The following SLC35F2 variants were observed in gnomAD, a reference collection of about 807,000 sequenced individuals.
The protein encoded by SLC35F2 is queuine/queuosine transporter SLC35F2.
SLC35F2 carries 25 observed loss-of-function variants against 38.1 expected under a neutral mutation model. The ratio of observed to expected loss-of-function variants is 0.66; its 90% CI spans 0.48 to 0.92. The LOEUF is 0.92. Ranked by LOEUF, SLC35F2 falls within the 40% of genes least tolerant of loss-of-function variation. The probability of loss-of-function intolerance (pLI) is 0.00; values close to 1 mark genes in which losing one functional copy is unlikely to be tolerated. For synonymous variants in SLC35F2, 173 were observed against 181.7 expected (o/e 0.95, Z 0.38); for missense variants, 409 against 452.9 (o/e 0.90, Z 0.88).
At chr11:107,808,120 G>C (rs148607464) in intron 3 of SLC35F2, among the ~76,000 whole-genome samples, 1 of 152,142 alleles carries the variant, frequency 6.6e-6, no homozygotes, top group Non-Finnish European at 1.5e-5. Flanking sequence ...AGAAGCATGG[G>C]TTACTGTGAG....
chr11:107,851,283 AG>A (rs1170214318), intron 1 of SLC35F2, among the ~76,000 whole-genome samples: 1 of 150,470 alleles, frequency 6.6e-6, no homozygotes, highest in Non-Finnish European at 1.5e-5. Context: ...AAAGAAAGAA[AG>A]AAACCCTGTC....
intron 1 of SLC35F2, among the ~76,000 whole-genome samples, chr11:107,820,785 G>A (rs1190361747): frequency 7.2e-5 from 11 of 152,146 alleles, no homozygotes; most frequent in South Asian, 4.1e-4. Flanking sequence ...GTGAAATCCC[G>A]TCTCTACTAA....
intron 1 of SLC35F2, among the ~76,000 whole-genome samples, chr11:107,831,364 G>A (rs1347720328): frequency 1.3e-5 from 2 of 152,128 alleles, no homozygotes. Context: ...GGGACTACAG[G>A]CACATGCCAC....
At chr11:107,803,514 T>C (rs1859346939) in intron 6 of SLC35F2, 1 of 984,924 alleles carries the variant, frequency 1.0e-6, no homozygotes, top group Non-Finnish European at 1.2e-6. Flanking sequence ...CAACATCTCA[T>C]GTCAAGAAAA....
chr11:107,853,047 A>G (rs1253689810), intron 1 of SLC35F2, among the ~76,000 whole-genome samples: 1 of 151,902 alleles, frequency 6.6e-6, no homozygotes, highest in Non-Finnish European at 1.5e-5. Flanking sequence ...CTGACCACCT[A>G]TTATCCTTCC....
rs552113861 is a variant in SLC35F2, at chr11:107,849,004, T to A, written c.110+9654A>T. 1.1e-3 allele frequency among the ~76,000 whole-genome samples: 171 copies of A among 152,272 alleles called. 1 individual carries two copies. The highest frequency in any genetic ancestry group is 3.9e-3 in the African/African-American group (162 of 41,558). On this transcript the variant is annotated intron_variant, in intron 1 of 7. Coordinates refer to ENST00000525815, the MANE Select transcript of SLC35F2 (RefSeq NM_017515.5). ...ATATCACATGAGATTTTTGAAAGAGTAAAGCAGCTCTGGATTTTAGAAACA... is the reference window on the plus strand; with the variant it reads ...ATATCACATGAGATTTTTGAAAGAGAAAAGCAGCTCTGGATTTTAGAAACA...
chr11:107,810,412 G>T, intron 3 of SLC35F2: 2 of 984,988 alleles, frequency 2.0e-6, no homozygotes, highest in Middle Eastern at 5.2e-4. Context: ...AGAGATCAAA[G>T]TTCCTGGGAA....
In SLC35F2 at chr11:107,807,577, A is replaced by T. The variant is rs71464781; in HGVS notation, c.415-701T>A. Among the ~76,000 whole-genome samples the T allele has an allele frequency of 8.1e-3, 779 of 96,214 alleles. 6 individuals carry two copies. Among genetic ancestry groups the T allele is most frequent in the Non-Finnish European group, 9.3e-3 (418 of 45,010 alleles). The allele number at this position is 96,214 out of a possible 152,430, so 63.1% of individuals were successfully genotyped here. On this transcript the variant is annotated intron_variant, in intron 3 of 7. Coordinates refer to ENST00000525815, the MANE Select transcript of SLC35F2 (RefSeq NM_017515.5). ...ATATCTTTTCTTTTATTTTATTATTATTATTTTTTTTTTGAGATGGAGTCT... is the reference window on the plus strand; with the variant it reads ...ATATCTTTTCTTTTATTTTATTATTTTTATTTTTTTTTTGAGATGGAGTCT...
chr11:107,824,355 A>C (rs1859722323), intron 1 of SLC35F2, among the ~76,000 whole-genome samples: 1 of 152,230 alleles, frequency 6.6e-6, no homozygotes, highest in South Asian at 2.1e-4. Flanking sequence ...ACAATACTGT[A>C]GACAAGAGGC....
In SLC35F2 at chr11:107,811,696, A is replaced by G; in HGVS notation, c.385T>C (p.Tyr129His). The stretch of plus-strand genomic sequence containing the variant: ...ACACTGGTTAGAGTTGTGTACTGGT[A>G]GGCTCTGACGATCACATAATTAGCT... ...VEANYVIVRA[Y>H]QYTTLTSVQL... is the part of the protein sequence containing the mutation. Residue 129 changes from tyrosine to histidine, a missense_variant, in exon 3 of 8, where the codon TAC becomes CAC. Tyr to His is a moderately conservative substitution (Grantham distance 83). Transcript: ENST00000525815. 6.2e-7 allele frequency: 1 copy of G among 1,614,016 alleles called. No individual in the cohort carries two copies. The highest frequency in any genetic ancestry group is 1.1e-5 in the South Asian group (1 of 91,064).
chr11:107,853,440 C>T (rs528996070), intron 1 of SLC35F2, among the ~76,000 whole-genome samples: 16 of 152,136 alleles, frequency 1.1e-4, no homozygotes, highest in Non-Finnish European at 2.1e-4. Context: ...TCAATGAGGC[C>T]GGGCGCGGTG....
intron 1 of SLC35F2, among the ~76,000 whole-genome samples, chr11:107,836,540 C>T (rs528822151): frequency 6.6e-6 from 1 of 152,292 alleles, no homozygotes; most frequent in African/African-American, 2.4e-5. Flanking sequence ...AAAGCAAAAA[C>T]GTTTCCCAGC....
At chr11:107,829,264 C>G (rs778578774) in intron 1 of SLC35F2, among the ~76,000 whole-genome samples, 1 of 151,600 alleles carries the variant, frequency 6.6e-6, no homozygotes, top group African/African-American at 2.4e-5. Flanking sequence ...ACTAAAAGTA[C>G]AAAAATTAGC....
At chr11:107,823,953 AAAG>A (rs1420240924) in intron 1 of SLC35F2, 2 of 970,448 alleles carry the variant, frequency 2.1e-6, no homozygotes, top group African/African-American at 3.5e-5. Flanking sequence ...AGAAAAAAGA[AAAG>A]AAATAAATTA....
intron 7 of SLC35F2, among the ~76,000 whole-genome samples, chr11:107,800,052 C>A (rs932406801): frequency 7.1e-6 from 1 of 140,712 alleles, no homozygotes; most frequent in Admixed American, 7.1e-5. Context: ...CCATGCCCGG[C>A]TAATTTTTTG....
At chr11:107,850,872 GCA>G (rs1321787245) in intron 1 of SLC35F2, among the ~76,000 whole-genome samples, 1 of 152,028 alleles carries the variant, frequency 6.6e-6, no homozygotes, top group Non-Finnish European at 1.5e-5. Context: ...GGTTGATTGG[GCA>G]CAGTGTCTCA....
intron 1 of SLC35F2, among the ~76,000 whole-genome samples, chr11:107,845,916 G>A (rs1357010717): frequency 1.3e-5 from 2 of 151,624 alleles, no homozygotes; most frequent in African/African-American, 2.4e-5. Context: ...TCGCGCCGTT[G>A]CACTCCAGCC....
At chr11:107,851,764 T>C (rs1376681302) in intron 1 of SLC35F2, among the ~76,000 whole-genome samples, 1 of 151,978 alleles carries the variant, frequency 6.6e-6, no homozygotes, top group African/African-American at 2.4e-5. Flanking sequence ...GGGCAGATAG[T>C]AAATAATTTC....
intron 2 of SLC35F2, among the ~76,000 whole-genome samples, chr11:107,815,019 A>G (rs1289643501): frequency 6.6e-6 from 1 of 152,082 alleles, no homozygotes; most frequent in Non-Finnish European, 1.5e-5. Flanking sequence ...CGGAGGTTGC[A>G]GTGAGCCAAG....
Sources: allele counts gnomAD v4.1 joint callset (sites outside exome capture counted in the v4.1 genomes callset), GRCh38; gene constraint gnomAD v4.1.1; transcripts MANE v1.5; gene names NCBI Gene and HGNC (gene_info 2026-07-23, HGNC 2026-07-21).